The following ROBO1 variants were observed in gnomAD, a reference collection of about 807,000 sequenced individuals.
ROBO1 encodes the protein roundabout guidance receptor 1.
ROBO1 carries 149 observed loss-of-function variants against 195.9 expected under a neutral mutation model. That is an observed-to-expected ratio of 0.76 (90% CI 0.67 to 0.87). ROBO1 has a LOEUF of 0.87. ROBO1 is among the 40% of genes least tolerant of loss of function. The pLI is 0.00. For synonymous variants in ROBO1, 816 were observed against 733.2 expected (o/e 1.11, Z -1.82); for missense variants, 1,933 against 2,068.3 (o/e 0.93, Z 1.27).
chr3:79,712,251 T>A (rs1175373795), intron 1 of ROBO1, among the ~76,000 whole-genome samples: 1 of 152,154 alleles, frequency 6.6e-6, no homozygotes, highest in Middle Eastern at 3.2e-3. Context: ...TGCCAAAAAG[T>A]TATCCAACTT....
chr3:78,707,110 C>T (rs1189613579), intron 8 of ROBO1, among the ~76,000 whole-genome samples: 1 of 152,186 alleles, frequency 6.6e-6, no homozygotes, highest in Non-Finnish European at 1.5e-5. Flanking sequence ...TACTCTTCAA[C>T]TCTGAGTTCA....
intron 2 of ROBO1, among the ~76,000 whole-genome samples, chr3:79,267,491 A>G (rs2030076133): frequency 6.6e-6 from 1 of 151,188 alleles, no homozygotes; most frequent in South Asian, 2.1e-4. Context: ...AAAACAATCT[A>G]GACTGATGGA....
chr3:78,674,151 T>C (rs1254514105), intron 10 of ROBO1, among the ~76,000 whole-genome samples: 1 of 152,190 alleles, frequency 6.6e-6, no homozygotes, highest in East Asian at 1.9e-4. Context: ...CCTTCTGATA[T>C]TATAGTAAAG....
chr3:78,673,607 C>CAT (rs1708227310), intron 10 of ROBO1, among the ~76,000 whole-genome samples: 2 of 25,582 alleles, frequency 7.8e-5, no homozygotes, highest in African/African-American at 2.3e-4. Flanking sequence ...TATATATATA[C>CAT]ACACATATAT....
At chr3:78,744,473 C>T (rs954277937) in intron 5 of ROBO1, among the ~76,000 whole-genome samples, 4 of 152,200 alleles carry the variant, frequency 2.6e-5, no homozygotes. Flanking sequence ...ATCTACAACA[C>T]CTGTAAGAGC....
At chr3:79,532,058 A>G (rs746190052) in intron 2 of ROBO1, among the ~76,000 whole-genome samples, 16 of 151,944 alleles carry the variant, frequency 1.1e-4, no homozygotes, top group Non-Finnish European at 1.3e-4. Context: ...GTCAAGGTAA[A>G]TGGTATGTAA....
chr3:78,654,023 TAGAA>T (rs373261589), intron 18 of ROBO1, among the ~76,000 whole-genome samples: 1 of 152,350 alleles, frequency 6.6e-6, no homozygotes, highest in African/African-American at 2.4e-5. Context: ...TGCTTTAAGA[TAGAA>T]AGATTTTTCA....
chr3:79,253,060 C>A, intron 2 of ROBO1, among the ~76,000 whole-genome samples: 1 of 152,146 alleles, frequency 6.6e-6, no homozygotes, highest in Non-Finnish European at 1.5e-5. Flanking sequence ...TACATCCACA[C>A]ATTTATATAC....
intron 3 of ROBO1, among the ~76,000 whole-genome samples, chr3:78,940,218 G>T (rs1223430654): frequency 1.3e-5 from 2 of 151,836 alleles, no homozygotes; most frequent in Non-Finnish European, 1.5e-5. Context: ...CTCCTGAAAA[G>T]TTCTCAAATT....
chr3:78,809,220 G>A lies in ROBO1; in HGVS notation c.500-62320C>T, dbSNP rs566223543. Among the ~76,000 whole-genome samples, 436 of 151,914 alleles carry A rather than the reference G, an allele frequency of 2.9e-3. 3 individuals are homozygous for A. The highest frequency in any genetic ancestry group is 9.9e-3 in the African/African-American group (412 of 41,446). On this transcript the variant is annotated intron_variant, in intron 4 of 30. Transcript: ENST00000464233. ...ACTTTTCAAAAGAAGATATTTATGTGACCAACAAACATATGAAAAAAAGCT... is the reference window on the plus strand; with the variant it reads ...ACTTTTCAAAAGAAGATATTTATGTAACCAACAAACATATGAAAAAAAGCT...
intron 2 of ROBO1, among the ~76,000 whole-genome samples, chr3:79,510,683 G>GA (rs1330751995): frequency 6.6e-6 from 1 of 151,618 alleles, no homozygotes; most frequent in African/African-American, 2.4e-5. Flanking sequence ...TAATTTGGGA[G>GA]AAAAAATATG....
intron 2 of ROBO1, among the ~76,000 whole-genome samples, chr3:79,139,646 C>T (rs1284908076): frequency 2.6e-5 from 4 of 152,080 alleles, no homozygotes; most frequent in Non-Finnish European, 5.9e-5. Context: ...TGACAGATAC[C>T]TTGCTGGGTT....
At chr3:79,398,804 A>T (rs1257244637) in intron 2 of ROBO1, among the ~76,000 whole-genome samples, 1 of 152,108 alleles carries the variant, frequency 6.6e-6, no homozygotes, top group Non-Finnish European at 1.5e-5. Context: ...AACTTTTTTA[A>T]AAAAGGTTAT....
chr3:79,760,872 G>T (rs1704662319), intron 1 of ROBO1, among the ~76,000 whole-genome samples: 2 of 151,558 alleles, frequency 1.3e-5, no homozygotes, highest in African/African-American at 2.4e-5. Flanking sequence ...GGGCAAAAAA[G>T]AGAAGAAACA....
rs546168356 is a variant in ROBO1 at position 78,727,002 on chromosome 3, GAAT to G, written c.658-9122_658-9120del. Among the ~76,000 whole-genome samples the G allele has an allele frequency of 1.1e-4, 16 of 152,214 alleles. No individual in the cohort carries two copies. In the South Asian group the frequency reaches 2.9e-3, roughly 28 times the overall value. ...CCATTACTTTCCAATCTGGCTACAA[GAAT>G]AATATCAGCCTTTAATGTTAGACAG... is the stretch of plus-strand genomic sequence containing the variant. On this transcript the variant is annotated intron_variant, in intron 5 of 30. Transcript: ENST00000464233.
chr3:79,212,481 G>T (rs1576822226), intron 2 of ROBO1, among the ~76,000 whole-genome samples: 1 of 152,254 alleles, frequency 6.6e-6, no homozygotes, highest in South Asian at 2.1e-4. Context: ...CAAACCGACT[G>T]TCTTTTTTAG....
At chr3:78,854,940 C>G (rs1444796732) in intron 4 of ROBO1, among the ~76,000 whole-genome samples, 1 of 152,066 alleles carries the variant, frequency 6.6e-6, no homozygotes, top group Admixed American at 6.6e-5. Flanking sequence ...TATAACCTAT[C>G]TTAAAAAACA....
intron 2 of ROBO1, among the ~76,000 whole-genome samples, chr3:79,456,005 C>G (rs1412539929): frequency 6.6e-6 from 1 of 152,046 alleles, no homozygotes; most frequent in Non-Finnish European, 1.5e-5. Context: ...TTGAACACCT[C>G]TGGTTGGTAT....
At chr3:79,463,387 T>C (rs1384756422) in intron 2 of ROBO1, among the ~76,000 whole-genome samples, 2 of 128,684 alleles carry the variant, frequency 1.6e-5, no homozygotes, top group Non-Finnish European at 3.3e-5. Flanking sequence ...AAAAAAAACA[T>C]AAAACAAAAA....
Sources: allele counts gnomAD v4.1 joint callset (sites outside exome capture counted in the v4.1 genomes callset), GRCh38; gene constraint gnomAD v4.1.1; transcripts MANE v1.5; gene names NCBI Gene and HGNC (gene_info 2026-07-23, HGNC 2026-07-21).